NMT1: variants seen among roughly 807,000 people sequenced by gnomAD.
NMT1 encodes the protein N-myristoyltransferase 1.
In NMT1, 12 loss-of-function variants were observed where a neutral mutation model predicts 63.4. That is an observed-to-expected ratio of 0.19 (90% CI 0.12 to 0.31). The LOEUF (loss-of-function observed/expected upper bound fraction) is 0.31, where lower values mean the gene tolerates loss of function less well. NMT1 is among the 10% of genes least tolerant of loss of function. The pLI, the probability that NMT1 is intolerant of heterozygous loss-of-function variation, is 1.00. For missense variants in NMT1, 432 were observed against 634.6 expected (o/e 0.68, Z 3.43); for synonymous variants, 228 against 234.3 (o/e 0.97, Z 0.25).
chr17:45,098,271 T>C, intron 6 of NMT1, 111 bp from the exon 7 acceptor site: 1 of 988,616 alleles, frequency 1.0e-6, no homozygotes, highest in East Asian at 2.4e-5. Flanking sequence ...CAGCTAAAAG[T>C]ACACCCGTGC....
intron 1 of NMT1, among the ~76,000 whole-genome samples, chr17:45,077,202 A>T (rs532165431): frequency 6.6e-6 from 1 of 152,316 alleles, no homozygotes; most frequent in South Asian, 2.1e-4. Flanking sequence ...TTTCTTTTGT[A>T]GAATTATAAA....
rs550120063 is a variant in NMT1, at chr17:45,096,705, C to G, written c.596+420C>G. Among the ~76,000 whole-genome samples, 5 of 152,220 alleles carry G rather than the reference C, an allele frequency of 3.3e-5. No individual in the cohort carries two copies. The East Asian group carries it at 9.7e-4, about 29-fold the overall frequency. On this transcript the variant is annotated intron_variant, in intron 5 of 11. Transcript: ENST00000258960. ...TATCCAGGAAGAGAGAGGCATGGGC[C>G]GAAATGGAGAGGGACTACCTGAAAG...
In NMT1 at chr17:45,086,670, T is replaced by C. The variant is rs1468909263; in HGVS notation, c.385+18T>C. 1.3e-6 allele frequency: 2 copies of C among 1,594,368 alleles called. No individual in the cohort carries two copies. On this transcript the variant is annotated intron_variant, in intron 3 of 11. Coordinates refer to ENST00000258960, the MANE Select transcript of NMT1 (RefSeq NM_021079.5). ...CAAGCTGGGTATGTACATGCTTGCT[T>C]TCTTTGCCAGGTCAGGGGCGAGGGA...
chr17:45,087,197 A>C (rs557196377), intron 3 of NMT1, among the ~76,000 whole-genome samples: 13 of 151,902 alleles, frequency 8.6e-5, no homozygotes, highest in East Asian at 3.9e-4. Flanking sequence ...CAAAAAAAAA[A>C]CAAAACAAAA....
intron 1 of NMT1, among the ~76,000 whole-genome samples, chr17:45,072,566 ATT>A (rs1250714226): frequency 7.1e-6 from 1 of 140,688 alleles, no homozygotes; most frequent in Non-Finnish European, 1.5e-5. Context: ...CACCTGGCCT[ATT>A]TTTTTTTTTG....
chr17:45,083,152 TGAAGATACAAAAAAAAATTA>T (rs764053101), intron 2 of NMT1, among the ~76,000 whole-genome samples: 3 of 151,714 alleles, frequency 2.0e-5, no homozygotes, highest in Non-Finnish European at 2.9e-5. Flanking sequence ...CTGCCTCTAC[TGAAGATACAAAAAAAAATTA>T]GCCAGGCGTG....
At chr17:45,066,020 C>CT (rs2053900609) in intron 1 of NMT1, among the ~76,000 whole-genome samples, 1 of 151,768 alleles carries the variant, frequency 6.6e-6, no homozygotes, top group East Asian at 1.9e-4. Context: ...CCTCCTGCCC[C>CT]TTTTTTTCAG....
intron 3 of NMT1, among the ~76,000 whole-genome samples, chr17:45,087,986 G>A (rs2054065396): frequency 6.6e-6 from 1 of 152,222 alleles, no homozygotes. Context: ...AATCAGAACT[G>A]CCAGAGGATT....
intron 8 of NMT1, among the ~76,000 whole-genome samples, chr17:45,099,987 A>G (rs927209316): frequency 6.6e-6 from 1 of 152,134 alleles, no homozygotes; most frequent in Non-Finnish European, 1.5e-5. Context: ...TGGCTGAAGG[A>G]CTGGGCAACC....
intron 1 of NMT1, among the ~76,000 whole-genome samples, chr17:45,066,350 C>G (rs1011059770): frequency 3.9e-5 from 6 of 152,094 alleles, no homozygotes; most frequent in Non-Finnish European, 8.8e-5. Context: ...CCACCACGCC[C>G]GGCCAGTTGT....
intron 1 of NMT1, among the ~76,000 whole-genome samples, chr17:45,069,262 C>T (rs2053924154): frequency 8.4e-6 from 1 of 119,428 alleles, no homozygotes. Context: ...CCTGGCCAGA[C>T]TTTATTTTTT....
At position 45,105,691 on chromosome 17, in the gene NMT1, A is replaced by G; in HGVS notation, c.*52A>G. The G allele has an allele frequency of 6.4e-7, 1 of 1,566,810 alleles. No individual in the cohort carries two copies. Among genetic ancestry groups the G allele is most frequent in the Non-Finnish European group, 8.8e-7 (1 of 1,139,632 alleles). ...AGCCACTGAAAATTCGAACCAGGAA[A>G]TGGAACCCCACCACTGTTGGTCCAA... is the stretch of plus-strand genomic sequence containing the variant. On this transcript the variant is annotated 3_prime_UTR_variant, in exon 12 of 12. Coordinates refer to ENST00000258960, the MANE Select transcript of NMT1 (RefSeq NM_021079.5). This position sits in a 1 kb window ranked among gnomAD's most constrained non-coding sequence, Gnocchi z 4.2.
intron 3 of NMT1, among the ~76,000 whole-genome samples, chr17:45,091,216 A>ACACACACACACACACACACC (rs2054085488): frequency 6.6e-6 from 1 of 151,212 alleles, no homozygotes; most frequent in Admixed American, 6.6e-5. Context: ...ACACACACAC[A>ACACACACACACACACACACC]CACACACACA....
rs575376528 is a variant in NMT1, at chr17:45,068,968, T to G, written c.131+7508T>G. ...CCTGGACTTTAGTTTTTTGTTTTTT[T>G]GGGTTTTTTTGAGACAGAGTCTCAC... On this transcript the variant is annotated intron_variant, in intron 1 of 11. Coordinates refer to ENST00000258960, the MANE Select transcript of NMT1 (RefSeq NM_021079.5). Among the ~76,000 whole-genome samples the G allele has an allele frequency of 8.0e-5, 12 of 150,374 alleles. No homozygotes were observed. The East Asian group carries it at 1.4e-3, about 17-fold the overall frequency.
At chr17:45,061,585 G>C (rs1224639630) in intron 1 of NMT1, 125 bp downstream of exon 1, 1 of 817,344 alleles carries the variant, frequency 1.2e-6, no homozygotes, top group Non-Finnish European at 1.9e-6. Flanking sequence ...AAGTCACTAG[G>C]ATTCTGCCTG....
At chr17:45,084,437 C>T (rs2054038236) in intron 2 of NMT1, among the ~76,000 whole-genome samples, 2 of 151,482 alleles carry the variant, frequency 1.3e-5, no homozygotes, top group Admixed American at 6.6e-5. Context: ...TGGGTTCACG[C>T]CATTCTCCTG....
At position 45,106,897 on chromosome 17, in the gene NMT1, C is replaced by T. The variant is rs1316025087; in HGVS notation, c.*1258C>T. 6.6e-6 allele frequency: 1 copy of T among 152,452 alleles called. No homozygotes were observed. Among genetic ancestry groups the T allele is most frequent in the Non-Finnish European group, 1.5e-5 (1 of 68,036 alleles). 9.4% of individuals were successfully genotyped at this position (152,452 alleles called of 1,614,324 possible). A position where few individuals can be genotyped will look rare whatever the true frequency, so the allele number is the denominator to read the frequency against. On this transcript the variant is annotated 3_prime_UTR_variant, in exon 12 of 12. Coordinates refer to ENST00000258960, the MANE Select transcript of NMT1 (RefSeq NM_021079.5). ...TGATGGTTGTCAGTGCTGCCAGTTT[C>T]CCAAAACGTAATCAAGCCTCTGGTC...
At chr17:45,099,264 A>C (rs877598) in intron 7 of NMT1, 141 bp from the exon 8 acceptor site, 249,281 of 641,766 alleles carry the variant, frequency 0.39, 51,805 homozygotes, top group African/African-American at 0.44. Context: ...GGGAGGCTGG[A>C]GAGCAGGGTG....
At chr17:45,068,573 C>T (rs1455235570) in intron 1 of NMT1, among the ~76,000 whole-genome samples, 13 of 152,220 alleles carry the variant, frequency 8.5e-5, no homozygotes, top group Admixed American at 2.0e-4. Flanking sequence ...ATTATTACTA[C>T]GTAGTGGGCA....
Sources: gnomAD v4.1 joint callset for allele counts (sites outside exome capture counted in the v4.1 genomes callset) on GRCh38, gnomAD v4.1.1 for gene constraint, Gnocchi (gnomAD v3.1) non-coding constraint, MANE v1.5 for transcripts, NCBI Gene and HGNC (gene_info 2026-07-23, HGNC 2026-07-21) for gene names.